Variants in BAALC observed in about 807,000 individuals in gnomAD.
BAALC encodes the protein BAALC binder of MAP3K1 and KLF4.
Under a neutral mutation model 15.5 loss-of-function variants are expected in BAALC, and 9 were observed. The observed-to-expected ratio is 0.58, with a 90% CI of 0.35 to 1.02. The LOEUF (loss-of-function observed/expected upper bound fraction) is 1.02. Ranked by LOEUF, BAALC falls within the 50% of genes least tolerant of loss-of-function variation. The pLI, the probability that BAALC is intolerant of heterozygous loss-of-function variation, is 0.02. For missense variants in BAALC, 201 were observed against 192.4 expected (o/e 1.04, Z -0.27); for synonymous variants, 80 against 74.6 (o/e 1.07, Z -0.37).
chr8:103,176,841 G>A (rs116157393), intron 1 of BAALC, among the ~76,000 whole-genome samples: 168 of 152,302 alleles, frequency 1.1e-3, no homozygotes, highest in African/African-American at 3.9e-3. Flanking sequence ...TTCGAAGGAA[G>A]AACTGTGAAT....
At chr8:103,212,318 C>T (rs982518292) in intron 1 of BAALC, among the ~76,000 whole-genome samples, 4 of 152,042 alleles carry the variant, frequency 2.6e-5, no homozygotes, top group Non-Finnish European at 5.9e-5. Context: ...CATGGTGACA[C>T]GTGCCTTTAG....
intron 1 of BAALC, among the ~76,000 whole-genome samples, chr8:103,178,304 C>T (rs1182790548): frequency 2.0e-5 from 3 of 152,132 alleles, no homozygotes; most frequent in African/African-American, 7.2e-5. Flanking sequence ...TGGAGCTGTT[C>T]TGTATCTTGG....
At chr8:103,180,202 G>GA (rs1811694943) in intron 1 of BAALC, among the ~76,000 whole-genome samples, 1 of 152,250 alleles carries the variant, frequency 6.6e-6, no homozygotes, top group Non-Finnish European at 1.5e-5. Flanking sequence ...CTGAGATGGA[G>GA]AAATTAAGAC....
At chr8:103,191,881 G>C (rs1210509318) in intron 1 of BAALC, among the ~76,000 whole-genome samples, 1 of 152,158 alleles carries the variant, frequency 6.6e-6, no homozygotes, top group African/African-American at 2.4e-5. Context: ...AAGCTGCAGA[G>C]ACAGGAATGG....
intron 1 of BAALC, among the ~76,000 whole-genome samples, chr8:103,204,605 A>G (rs1167265505): frequency 2.6e-5 from 4 of 152,166 alleles, no homozygotes; most frequent in African/African-American, 7.2e-5. Context: ...TATGGTGTGA[A>G]GTAGGGGTGC....
At chr8:103,205,797 A>C (rs1297272192) in intron 1 of BAALC, among the ~76,000 whole-genome samples, 1 of 152,116 alleles carries the variant, frequency 6.6e-6, no homozygotes. Context: ...TGCTAATACC[A>C]CAAGCTTTGG....
rs148372618 is a variant in BAALC, at chr8:103,220,385, G to C, written c.327+7300G>C. Among the ~76,000 whole-genome samples the C allele has an allele frequency of 4.0e-3, 609 of 152,254 alleles. 5 individuals are homozygous for C. Among genetic ancestry groups the C allele is most frequent in the African/African-American group, 0.013 (530 of 41,546 alleles). On this transcript the variant is annotated intron_variant, in intron 2 of 2. Coordinates refer to ENST00000309982, the MANE Select transcript of BAALC (RefSeq NM_024812.3). ...ACTGAAATCTTGTAGGAAAGTTCTGGGACACTGAGGCAGGGCAATGCACAC... is the reference window on the plus strand; with the variant it reads ...ACTGAAATCTTGTAGGAAAGTTCTGCGACACTGAGGCAGGGCAATGCACAC...
At chr8:103,221,692 C>T (rs926565311) in intron 2 of BAALC, among the ~76,000 whole-genome samples, 1 of 152,188 alleles carries the variant, frequency 6.6e-6, no homozygotes, top group African/African-American at 2.4e-5. Flanking sequence ...CTTCTCCAAA[C>T]TTCTAGATAA....
rs1812888683 is a variant in BAALC, at chr8:103,229,840, GT to G, written c.*1746del. On this transcript the variant is annotated 3_prime_UTR_variant, in exon 3 of 3. Coordinates refer to ENST00000309982, the MANE Select transcript of BAALC (RefSeq NM_024812.3). ...TTAGGAACTTTATGTTCTAAAAAAT[GT>G]TTTTAACAATAATAAGATAAAAGAA... 6.6e-6 allele frequency: 1 copy of G among 152,132 alleles called. No homozygotes were observed. Among genetic ancestry groups the G allele is most frequent in the Non-Finnish European group, 1.5e-5 (1 of 68,014 alleles). 9.4% of individuals were successfully genotyped at this position (152,132 alleles called of 1,614,324 possible).
chr8:103,205,184 C>T (rs1212226918), intron 1 of BAALC, among the ~76,000 whole-genome samples: 1 of 152,194 alleles, frequency 6.6e-6, no homozygotes, highest in African/African-American at 2.4e-5. Flanking sequence ...ACCCCTTGAC[C>T]TGCTCTCCAC....
At chr8:103,210,864 C>A (rs1363442978) in intron 1 of BAALC, among the ~76,000 whole-genome samples, 10 of 152,162 alleles carry the variant, frequency 6.6e-5, no homozygotes, top group Non-Finnish European at 1.5e-4. Flanking sequence ...AGATGGTCAA[C>A]AGAAGACAGA....
At chr8:103,206,941 G>T (rs1266756024) in intron 1 of BAALC, among the ~76,000 whole-genome samples, 1 of 152,190 alleles carries the variant, frequency 6.6e-6, no homozygotes, top group East Asian at 1.9e-4. Context: ...CCACCAACAG[G>T]TATTTTTAGT....
chr8:103,151,328 T>C (rs1209346109), intron 1 of BAALC, among the ~76,000 whole-genome samples: 1 of 152,202 alleles, frequency 6.6e-6, no homozygotes, highest in East Asian at 1.9e-4. Context: ...AGGAATTTGA[T>C]TTTAACAACA....
intron 1 of BAALC, among the ~76,000 whole-genome samples, chr8:103,206,081 G>A (rs1324292521): frequency 2.6e-5 from 4 of 152,226 alleles, no homozygotes; most frequent in Non-Finnish European, 5.9e-5. Flanking sequence ...TGTGGCAGCA[G>A]TGCTGAGGGC....
At chr8:103,150,824 GCCACAC>G (rs1207787688) in intron 1 of BAALC, among the ~76,000 whole-genome samples, 1 of 152,038 alleles carries the variant, frequency 6.6e-6, no homozygotes, top group East Asian at 1.9e-4. Context: ...TTCTGATACA[GCCACAC>G]CCACAGGATC....
chr8:103,143,435 G>A (rs567089005), intron 1 of BAALC, among the ~76,000 whole-genome samples: 218 of 152,272 alleles, frequency 1.4e-3, no homozygotes, highest in African/African-American at 4.8e-3. Flanking sequence ...TGATGGGAGA[G>A]GTGGGTAGGA....
At chr8:103,146,572 A>C (rs1424954438) in intron 1 of BAALC, among the ~76,000 whole-genome samples, 1 of 152,344 alleles carries the variant, frequency 6.6e-6, no homozygotes, top group South Asian at 2.1e-4. Flanking sequence ...TTCTGGCTAC[A>C]TCAGGACCCT....
chr8:103,159,562 T>C (rs1312867988), intron 1 of BAALC, among the ~76,000 whole-genome samples: 5 of 152,310 alleles, frequency 3.3e-5, no homozygotes, highest in African/African-American at 1.2e-4. Flanking sequence ...GATGGATTCA[T>C]GGCTCATTAG....
At chr8:103,203,644 T>C (rs1249241717) in intron 1 of BAALC, among the ~76,000 whole-genome samples, 50 of 152,214 alleles carry the variant, frequency 3.3e-4, no homozygotes, top group Non-Finnish European at 2.9e-5. Flanking sequence ...TAGAATTGCC[T>C]ATTTCTGAAC....
Sources: gnomAD v4.1 joint callset for allele counts (sites outside exome capture counted in the v4.1 genomes callset) on GRCh38, gnomAD v4.1.1 for gene constraint, MANE v1.5 for transcripts, NCBI Gene and HGNC (gene_info 2026-07-23, HGNC 2026-07-21) for gene names.